The following RBM27 variants were observed in gnomAD, a reference collection of about 807,000 sequenced individuals.
The protein encoded by RBM27 is RNA-binding protein 27.
A neutral mutation model predicts 135.3 loss-of-function variants in RBM27; 22 were observed. The observed-to-expected ratio is 0.16, with a 90% CI of 0.12 to 0.23. The LOEUF is 0.23. RBM27 is among the 10% of genes least tolerant of loss of function. The pLI, the probability that RBM27 is intolerant of heterozygous loss-of-function variation, is 1.00. For synonymous variants in RBM27, 481 were observed against 442.4 expected, an observed-to-expected ratio of 1.09 and a Z score of -1.10; for missense variants, 1,009 against 1,281.0, an observed-to-expected ratio of 0.79 and a Z score of 3.24.
At chr5:146,216,116 G>C (rs1756182273) in intron 1 of RBM27, among the ~76,000 whole-genome samples, 1 of 152,118 alleles carries the variant, frequency 6.6e-6, no homozygotes, top group East Asian at 1.9e-4. Flanking sequence ...GAGTGCAGTG[G>C]CACAATCTCG....
chr5:146,286,063 A>G lies in RBM27; in HGVS notation c.*33A>G. ...TGCTAGCTGTATAATTTTTAGGAAT[A>G]TTGTTTAGAAGAACAACTTTTAAAA... On this transcript the variant is annotated 3_prime_UTR_variant, in exon 21 of 21. Coordinates refer to ENST00000265271, the MANE Select transcript of RBM27 (RefSeq NM_018989.2). 1 of 1,549,030 alleles carries G rather than the reference A, an allele frequency of 6.5e-7. No homozygotes were observed. Among genetic ancestry groups the G allele is most frequent in the African/African-American group, 1.4e-5 (1 of 71,830 alleles).
chr5:146,225,567 G>GTTTT (rs5871958), intron 3 of RBM27, among the ~76,000 whole-genome samples: 1 of 133,584 alleles, frequency 7.5e-6, no homozygotes. Flanking sequence ...TTACCTTTCT[G>GTTTT]TTTTTTTTTT....
intron 12 of RBM27, 48 bp from the exon 13 acceptor site, chr5:146,261,462 T>C: frequency 6.7e-7 from 1 of 1,500,790 alleles, no homozygotes; most frequent in Non-Finnish European, 9.2e-7. Flanking sequence ...ATAATTTATT[T>C]AACTATTTTC....
intron 9 of RBM27, among the ~76,000 whole-genome samples, chr5:146,254,620 T>A (rs564236464): frequency 6.6e-6 from 1 of 152,186 alleles, no homozygotes; most frequent in Non-Finnish European, 1.5e-5. Context: ...TTAAAAACAA[T>A]ATCCATAACA....
chr5:146,230,966 G>A, intron 6 of RBM27, 49 bp downstream of exon 6: 1 of 1,570,186 alleles, frequency 6.4e-7, no homozygotes, highest in South Asian at 1.1e-5. Flanking sequence ...TACTAGCAGA[G>A]CAAATGTTGC....
intron 2 of RBM27, among the ~76,000 whole-genome samples, chr5:146,221,711 C>A (rs1336348765): frequency 6.6e-6 from 1 of 152,096 alleles, no homozygotes. Flanking sequence ...GGATTACAGG[C>A]GTGAGCCACT....
intron 13 of RBM27, 33 bp from the exon 14 acceptor site, chr5:146,263,455 ACTT>A (rs1365948296): frequency 6.3e-7 from 1 of 1,582,430 alleles, no homozygotes; most frequent in Admixed American, 1.8e-5. Context: ...ATGTTTTTAA[ACTT>A]CTGCCACATA....
At chr5:146,237,862 A>G (rs970085815) in intron 8 of RBM27, among the ~76,000 whole-genome samples, 1 of 151,968 alleles carries the variant, frequency 6.6e-6, no homozygotes, top group Non-Finnish European at 1.5e-5. Context: ...TAATTTTTGT[A>G]TTTTTAGTAG....
In RBM27 at chr5:146,212,308, C is replaced by T. The variant is rs998080528; in HGVS notation, c.60-6677C>T. ...TGACCTTGTGATCCACCCGCCTTGGCCTCCCAAAGTGCTGGGATTACAGGC... is the reference window on the plus strand; with the variant it reads ...TGACCTTGTGATCCACCCGCCTTGGTCTCCCAAAGTGCTGGGATTACAGGC... On this transcript the variant is annotated intron_variant, in intron 1 of 20. Transcript: ENST00000265271. Among the ~76,000 whole-genome samples, 18 of 151,846 alleles carry T rather than the reference C, an allele frequency of 1.2e-4. No homozygotes were observed. In the East Asian group the frequency reaches 3.1e-3, roughly 26 times the overall value.
At chr5:146,271,338 T>G in intron 18 of RBM27, 145 bp from the exon 19 acceptor site, 1 of 730,794 alleles carries the variant, frequency 1.4e-6, no homozygotes, top group East Asian at 2.8e-5. Flanking sequence ...AGGCAGAGGT[T>G]GCAGTGAGCC....
intron 2 of RBM27, among the ~76,000 whole-genome samples, chr5:146,220,223 A>G (rs1006654308): frequency 6.6e-6 from 1 of 152,150 alleles, no homozygotes; most frequent in African/African-American, 2.4e-5. Flanking sequence ...TACGCCTGTA[A>G]TCCCAGCACT....
chr5:146,273,792 T>C (rs1758971263), intron 19 of RBM27, among the ~76,000 whole-genome samples: 1 of 152,196 alleles, frequency 6.6e-6, no homozygotes, highest in Admixed American at 6.5e-5. Context: ...GAGAAAATGA[T>C]GGATGGATTT....
intron 19 of RBM27, among the ~76,000 whole-genome samples, chr5:146,278,201 G>A (rs999537647): frequency 2.0e-5 from 3 of 152,072 alleles, no homozygotes; most frequent in South Asian, 2.1e-4. Context: ...TAGATTGGGC[G>A]TCAGTTTCTA....
chr5:146,244,488 G>A (rs1006919030), intron 8 of RBM27, among the ~76,000 whole-genome samples: 2 of 152,116 alleles, frequency 1.3e-5, no homozygotes, highest in Non-Finnish European at 2.9e-5. Flanking sequence ...GCAATCAACT[G>A]TTAAAATCAA....
At chr5:146,278,366 C>T (rs147966091) in intron 19 of RBM27, among the ~76,000 whole-genome samples, 12 of 152,086 alleles carry the variant, frequency 7.9e-5, no homozygotes, top group African/African-American at 2.2e-4. Flanking sequence ...GGCCAACACA[C>T]GTAAACAAAA....
At chr5:146,272,916 C>G (rs1758933042) in intron 19 of RBM27, among the ~76,000 whole-genome samples, 1 of 152,138 alleles carries the variant, frequency 6.6e-6, no homozygotes, top group Admixed American at 6.6e-5. Flanking sequence ...AGTTCTTTCC[C>G]TGATGTAACC....
chr5:146,215,567 A>G (rs1756154121), intron 1 of RBM27, among the ~76,000 whole-genome samples: 1 of 152,172 alleles, frequency 6.6e-6, no homozygotes, highest in African/African-American at 2.4e-5. Context: ...GACTACCCTT[A>G]TCCAAGAACT....
rs756532140 is a variant in RBM27 at position 146,263,599 on chromosome 5, A to T, written c.2299A>T (p.Asn767Tyr). Residue 767 changes from asparagine (N) to tyrosine (Y), a missense_variant, in exon 14 of 21, where the codon AAT becomes TAT. Around this residue, in one of 6 missense-constraint regions of RBM27, gnomAD observed 355 missense variants for 427.3 expected, o/e 0.83. Coordinates refer to ENST00000265271, the MANE Select transcript of RBM27 (RefSeq NM_018989.2). ...GNQSDASHLL[N>Y]QSGGAGEDCQ... ...CCAGAGTGATGCATCACATTTGTTG[A>T]ATCAGTCTGGTGGTGCTGGAGAAGA... is the stretch of plus-strand genomic sequence containing the variant. The T allele has an allele frequency of 9.9e-6, 16 of 1,613,996 alleles. No individual in the cohort carries two copies. The Admixed American group carries it at 2.2e-4, about 22-fold the overall frequency.
intron 17 of RBM27, 66 bp from the exon 18 acceptor site, chr5:146,270,888 T>C (rs1758832978): frequency 1.0e-6 from 1 of 971,290 alleles, no homozygotes; most frequent in Non-Finnish European, 1.6e-6. Flanking sequence ...TGTGTAACTA[T>C]CATGTTCTGG....
Sources: gnomAD v4.1 joint callset for allele counts (sites outside exome capture counted in the v4.1 genomes callset) on GRCh38, gnomAD v4.1.1 for gene constraint, gnomAD v4.1.1 regional missense constraint, MANE v1.5 for transcripts, NCBI Gene and HGNC (gene_info 2026-07-23, HGNC 2026-07-21) for gene names.